SLC4A5: variants seen among roughly 807,000 people sequenced by gnomAD.
The protein encoded by SLC4A5 is solute carrier family 4 member 5, also known as electrogenic sodium bicarbonate cotransporter 4.
In SLC4A5, 96 loss-of-function variants were observed where a neutral mutation model predicts 120.4. The ratio of observed to expected loss-of-function variants is 0.80; its 90% CI spans 0.68 to 0.94. SLC4A5 has a LOEUF of 0.94. SLC4A5 is among the 40% of genes least tolerant of loss of function. The pLI, the probability that SLC4A5 is intolerant of heterozygous loss-of-function variation, is 0.00. For missense variants in SLC4A5, 1,259 were observed against 1,459.5 expected, an observed-to-expected ratio of 0.86 and a Z score of 2.24; for synonymous variants, 550 against 571.1, an observed-to-expected ratio of 0.96 and a Z score of 0.53.
intron 8 of SLC4A5, among the ~76,000 whole-genome samples, chr2:74,274,147 T>C (rs982550618): frequency 6.6e-6 from 1 of 152,222 alleles, no homozygotes; most frequent in Non-Finnish European, 1.5e-5. Flanking sequence ...ACTATTCTCA[T>C]TGTACAGGTG....
chr2:74,231,866 G>GT (rs1670101077), intron 24 of SLC4A5, among the ~76,000 whole-genome samples: 1 of 152,212 alleles, frequency 6.6e-6, no homozygotes, highest in Non-Finnish European at 1.5e-5. Flanking sequence ...GGCGGTCCAA[G>GT]TATCTCAAGA....
chr2:74,252,238 C>A (rs953532912), exon 16 of SLC4A5: 9 of 1,611,414 alleles, frequency 5.6e-6, no homozygotes, highest in Non-Finnish European at 7.6e-6. Context: ...CTCCATCATC[C>A]CCGCTGCTTG....
chr2:74,339,082 C>T (rs1284816009), intron 2 of SLC4A5, 179 bp from the exon 3 acceptor site: 1 of 152,132 alleles, frequency 6.6e-6, no homozygotes, highest in African/African-American at 2.4e-5. Context: ...AGTGGCAAAA[C>T]ATTGGAAACA....
chr2:74,301,966 T>C (rs1672486310), intron 7 of SLC4A5, among the ~76,000 whole-genome samples: 1 of 152,224 alleles, frequency 6.6e-6, no homozygotes, highest in Non-Finnish European at 1.5e-5. Context: ...ATCTTAAAAA[T>C]ATTCCTTTTA....
chr2:74,342,938 A>T (rs1330273646), intron 1 of SLC4A5, among the ~76,000 whole-genome samples: 1 of 152,148 alleles, frequency 6.6e-6, no homozygotes, highest in East Asian at 1.9e-4. Context: ...TCAACCACTG[A>T]GACTCCCATG....
intron 20 of SLC4A5, 99 bp from the exon 21 acceptor site, chr2:74,239,634 A>G (rs1670374379): frequency 1.7e-6 from 2 of 1,187,392 alleles, no homozygotes. Context: ...ATACCTTCCC[A>G]CCCTCTGAGG....
intron 7 of SLC4A5, among the ~76,000 whole-genome samples, chr2:74,301,016 G>C (rs1672463513): frequency 6.6e-6 from 1 of 152,256 alleles, no homozygotes; most frequent in Non-Finnish European, 1.5e-5. Context: ...CAGGTACACT[G>C]GAACTTAATA....
chr2:74,330,697 GT>G (rs1308650722), intron 4 of SLC4A5, among the ~76,000 whole-genome samples: 1 of 151,686 alleles, frequency 6.6e-6, no homozygotes, highest in African/African-American at 2.4e-5. Context: ...GGTGTAGGTG[GT>G]GAGGTATAGG....
chr2:74,328,082 C>G (rs1673261652), intron 5 of SLC4A5, 38 bp downstream of exon 5: 7 of 973,430 alleles, frequency 7.2e-6, no homozygotes, highest in Admixed American at 6.2e-5. Flanking sequence ...CTGCATAGCT[C>G]TGTCTACTTT....
chr2:74,256,364 A>C (rs921669647), intron 12 of SLC4A5, among the ~76,000 whole-genome samples: 2 of 152,028 alleles, frequency 1.3e-5, no homozygotes, highest in Non-Finnish European at 2.9e-5. Context: ...GGGGAGGAGG[A>C]GGCCTGTTCT....
intron 7 of SLC4A5, chr2:74,290,600 G>A: frequency 1.0e-6 from 1 of 970,414 alleles, no homozygotes; most frequent in Non-Finnish European, 1.2e-6. Flanking sequence ...GAGAGAGAGA[G>A]ACAGAGAGAG....
chr2:74,225,532 G>T (rs1394252566), intron 27 of SLC4A5, among the ~76,000 whole-genome samples: 1 of 152,162 alleles, frequency 6.6e-6, no homozygotes, highest in Admixed American at 6.5e-5. Flanking sequence ...GGAGGCGGAG[G>T]TTGCAGTGAG....
chr2:74,220,437 C>T (rs189576555), intron 30 of SLC4A5, among the ~76,000 whole-genome samples: 24 of 152,258 alleles, frequency 1.6e-4, no homozygotes, highest in African/African-American at 5.3e-4. Flanking sequence ...ACAGAGTACC[C>T]CAGGGTTTCG....
chr2:74,243,088 G>A (rs984568123), intron 19 of SLC4A5, among the ~76,000 whole-genome samples: 7 of 152,212 alleles, frequency 4.6e-5, no homozygotes, highest in Non-Finnish European at 1.0e-4. Flanking sequence ...GGAACCCAAA[G>A]GTGCTGCTCT....
At chr2:74,295,890 C>T (rs917349089) in intron 7 of SLC4A5, among the ~76,000 whole-genome samples, 2 of 152,280 alleles carry the variant, frequency 1.3e-5, no homozygotes, top group Middle Eastern at 3.4e-3. Flanking sequence ...GGAGCCAGGG[C>T]AACGCTGAGA....
intron 25 of SLC4A5, among the ~76,000 whole-genome samples, chr2:74,228,235 T>C (rs1484497427): frequency 6.6e-6 from 1 of 152,178 alleles, no homozygotes; most frequent in Non-Finnish European, 1.5e-5. Flanking sequence ...ACCTCCAGCC[T>C]CAGCTGAGGG....
chr2:74,287,839 T>G (rs1672032992), intron 7 of SLC4A5, among the ~76,000 whole-genome samples: 1 of 152,110 alleles, frequency 6.6e-6, no homozygotes, highest in Non-Finnish European at 1.5e-5. Context: ...CCTCTTTCTC[T>G]CAGCCTAGAA....
chr2:74,319,798 T>C (rs911377168), intron 5 of SLC4A5, among the ~76,000 whole-genome samples: 4 of 152,200 alleles, frequency 2.6e-5, no homozygotes, highest in African/African-American at 9.7e-5. Context: ...TTGGTTTCAT[T>C]TGGTCTCACC....
chr2:74,331,666 C>CTATTA, intron 4 of SLC4A5, among the ~76,000 whole-genome samples: 1 of 152,072 alleles, frequency 6.6e-6, no homozygotes, highest in African/African-American at 2.4e-5. Flanking sequence ...AGAGTTTGCT[C>CTATTA]TATTAAATGG....
Sources: allele counts gnomAD v4.1 joint callset (sites outside exome capture counted in the v4.1 genomes callset), GRCh38; gene constraint gnomAD v4.1.1; transcripts MANE v1.5; gene names NCBI Gene and HGNC (gene_info 2026-07-23, HGNC 2026-07-21).